Variants in MUC12 observed in about 807,000 individuals in gnomAD.
The protein encoded by MUC12 is mucin-12.
Under a neutral mutation model 230.8 loss-of-function variants are expected in MUC12, and 172 were observed. The observed-to-expected ratio is 0.75, with a 90% CI of 0.66 to 0.85. MUC12 has a LOEUF of 0.85. Among genes scored for constraint, MUC12 ranks in the 40% least tolerant of loss-of-function variants. MUC12 has a pLI of 0.00. For synonymous variants in MUC12, 1,259 were observed against 2,401.9 expected (o/e 0.52, Z 13.91); for missense variants, 3,506 against 5,920.6 (o/e 0.59, Z 13.38).
Position 101,018,846 on chromosome 7 carries a change from A to G in MUC12, c.*210A>G, listed in dbSNP as rs573470991. The stretch of plus-strand genomic sequence containing the variant: ...TAAGCCTCTCCATCCGGGAGCTTCC[A>G]GACTCCCAGAAGCCTCGGCACCCCT... On this transcript the variant is annotated 3_prime_UTR_variant, in exon 12 of 12. Coordinates refer to ENST00000536621, the MANE Select transcript of MUC12 (RefSeq NM_001164462.2). 2.8e-5 allele frequency: 14 copies of G among 492,590 alleles called. No individual in the cohort carries two copies. The highest frequency in any genetic ancestry group is 2.4e-4 in the African/African-American group (12 of 49,756). The allele number at this position is 492,590 out of a possible 1,614,324, so 30.5% of individuals were successfully genotyped here.
chr7:101,014,418 C>A, intron 9 of MUC12: 1 of 196,782 alleles, frequency 5.1e-6, no homozygotes, highest in South Asian at 1.1e-4. Flanking sequence ...CTTGCTGCAT[C>A]ACAGCATGGC....
chr7:100,978,530 C>A (rs1046044998), intron 1 of MUC12, among the ~76,000 whole-genome samples: 2 of 152,160 alleles, frequency 1.3e-5, no homozygotes, highest in Admixed American at 1.3e-4. Context: ...GGTCACACAG[C>A]GGTGTACAGG....
At position 101,005,198 on chromosome 7, in the gene MUC12, A is replaced by G; in HGVS notation, c.14635A>G (p.Thr4879Ala). The G allele has an allele frequency of 6.5e-7, 1 of 1,537,838 alleles. No homozygotes were observed. Among genetic ancestry groups the G allele is most frequent in the Non-Finnish European group, 8.7e-7 (1 of 1,147,048 alleles). ...NTMSIHSQQS[T>A]PFPDSPGFTH... ...AATGTCCATTCATAGTCAACAATCT[A>G]CACCCTTCCCTGACAGCCCAGGCTT... The change falls in exon 2 of 12, where the codon ACA (threonine) becomes GCA (alanine). Residue 4879 changes from threonine (T) to alanine (A), a missense_variant. By Grantham distance (58) the Thr-to-Ala change is moderately conservative. Transcript: ENST00000536621.
intron 1 of MUC12, among the ~76,000 whole-genome samples, chr7:100,972,676 TG>T (rs1304627493): frequency 6.6e-6 from 1 of 152,108 alleles, no homozygotes; most frequent in Non-Finnish European, 1.5e-5. Context: ...CTAATTTTTT[TG>T]TGTGTTTTTG....
At chr7:101,010,462 G>A (rs1280932158) in intron 5 of MUC12, among the ~76,000 whole-genome samples, 1 of 151,980 alleles carries the variant, frequency 6.6e-6, no homozygotes, top group African/African-American at 2.4e-5. Context: ...TCAGCCTCTC[G>A]AGTAGCTGGG....
In MUC12 at chr7:100,990,889, C is replaced by G. The variant is rs923305839; in HGVS notation, c.326C>G (p.Pro109Arg). The G allele has an allele frequency of 6.5e-7, 1 of 1,537,836 alleles. No individual in the cohort carries two copies. Among genetic ancestry groups the G allele is most frequent in the Non-Finnish European group, 8.7e-7 (1 of 1,147,048 alleles). Residue 109 changes from proline to arginine, a missense_variant, in exon 2 of 12, where the codon CCT (proline) becomes CGT (arginine). By Grantham distance (103) the Pro-to-Arg change is moderately radical. Transcript: ENST00000536621. ...HSATSVFVGE[P>R]KTSPITSASM... ...GCAACCTCAGTTTTTGTTGGAGAAC[C>G]TAAAACCTCACCCATCACTTCAGCC...
At chr7:100,990,600 A>G (rs1234852510) in intron 1 of MUC12, 31 bp from the exon 2 acceptor site, 1 of 1,536,960 alleles carries the variant, frequency 6.5e-7, no homozygotes, top group Non-Finnish European at 8.7e-7. Flanking sequence ...CATAAATCAT[A>G]GCACTTTCTC....
In MUC12 at chr7:100,992,105, C is replaced by G; in HGVS notation, c.1542C>G (p.Ser514Arg). 6.5e-7 allele frequency: 1 copy of G among 1,537,400 alleles called. No homozygotes were observed. The highest frequency in any genetic ancestry group is 1.2e-5 in the South Asian group (1 of 84,046). ...CACACTTACCTGCCAGCATGACAAG[C>G]TCAGGCGTCAGTGAAGAATCCACCA... ...DTTHLPASMT[S>R]SGVSEESTTS... Residue 514 changes from serine to arginine, a missense_variant, in exon 2 of 12, where the codon AGC becomes AGG. Coordinates refer to ENST00000536621, the MANE Select transcript of MUC12 (RefSeq NM_001164462.2).
Position 100,991,615 on chromosome 7 carries a change from C to A in MUC12, c.1052C>A (p.Thr351Asn), listed in dbSNP as rs760350169. Reference protein sequence around the residue: ...ATTPPPARSATSGHVEESTAY... With the variant: ...ATTPPPARSANSGHVEESTAY... ...ACACCCCCACCTGCCCGCTCCGCGA[C>A]CTCAGGCCATGTTGAAGAATCTACA... Residue 351 changes from threonine (T) to asparagine (N), a missense_variant, in exon 2 of 12, where the codon ACC (threonine) becomes AAC (asparagine). Physicochemically the swap from Thr to Asn is moderately conservative, Grantham distance 65 (BLOSUM62 0). Transcript: ENST00000536621. 3.9e-6 allele frequency: 6 copies of A among 1,537,082 alleles called. No homozygotes were observed. Among genetic ancestry groups the A allele is most frequent in the African/African-American group, 1.4e-5 (1 of 73,150 alleles).
Position 101,015,662 on chromosome 7 carries a change from G to A in MUC12, c.15848G>A (p.Gly5283Asp). Reference protein sequence around the residue: ...PQEWRKEGTPGIFQKTAIWED... With the variant: ...PQEWRKEGTPDIFQKTAIWED... ...GAGTGGCGAAAGGAAGGCACCCCTGGCATCTTCCAGAAGACGGCCATCTGG... is the reference window on the plus strand; with the variant it reads ...GAGTGGCGAAAGGAAGGCACCCCTGACATCTTCCAGAAGACGGCCATCTGG... The change falls in exon 10 of 12, where the codon GGC (glycine) becomes GAC (aspartate). Residue 5283 changes from glycine to aspartate, a missense_variant. Transcript: ENST00000536621. The A allele has an allele frequency of 6.5e-7, 1 of 1,537,660 alleles. No individual in the cohort carries two copies. The highest frequency in any genetic ancestry group is 8.7e-7 in the Non-Finnish European group (1 of 1,147,000).
chr7:101,017,798 C>A, intron 11 of MUC12, 135 bp downstream of exon 11: 1 of 573,220 alleles, frequency 1.7e-6, no homozygotes, highest in Non-Finnish European at 3.0e-6. Flanking sequence ...CCCTGGGACC[C>A]CTTCCCTTTC....
In MUC12 at chr7:101,004,548, C is replaced by T. The variant is rs376060726; in HGVS notation, c.13985C>T (p.Pro4662Leu). ...VEEPTSYHSS[P>L]GSIATTHFPE... ...GAACCTACCAGCTACCACAGCAGCC[C>T]GGGCTCAATTGCAACAACACACTTT... The change falls in exon 2 of 12, where the codon CCG becomes CTG. Residue 4662 changes from proline to leucine, a missense_variant. Pro to Leu is a moderately conservative substitution (Grantham distance 98). Coordinates refer to ENST00000536621, the MANE Select transcript of MUC12 (RefSeq NM_001164462.2). 2.1e-5 allele frequency: 32 copies of T among 1,537,282 alleles called. No individual in the cohort carries two copies. The highest frequency in any genetic ancestry group is 1.1e-4 in the African/African-American group (8 of 72,970).
chr7:100,974,413 C>T (rs4729628), intron 1 of MUC12, among the ~76,000 whole-genome samples: 142,822 of 151,568 alleles, frequency 0.94, 67,073 homozygotes, highest in East Asian at 1. Context: ...TGGATAATTT[C>T]TATTGACTTA....
chr7:101,012,173 G>C, intron 5 of MUC12, 123 bp from the exon 6 acceptor site: 1 of 1,048,944 alleles, frequency 9.5e-7, no homozygotes, highest in Non-Finnish European at 1.3e-6. Context: ...GGAAGACTCT[G>C]TATTCTTTCT....
chr7:100,992,286 C>G lies in MUC12; in HGVS notation c.1723C>G (p.Pro575Ala), dbSNP rs1253926572. The G allele has an allele frequency of 2.0e-6, 3 of 1,536,910 alleles. No homozygotes were observed. Among genetic ancestry groups the G allele is most frequent in the Admixed American group, 2.0e-5 (1 of 50,970 alleles). The change falls in exon 2 of 12, where the codon CCA becomes GCA. Residue 575 changes from proline (P) to alanine (A), a missense_variant. Transcript: ENST00000536621. ...PGSTTASSLG[P>A]EYTTFHSRPG... is the part of the protein sequence containing the mutation. Reference sequence around the variant, plus strand: ...CAGTACCACAGCATCATCCCTTGGTCCAGAATATACTACCTTCCACAGCCG... The same window carrying G: ...CAGTACCACAGCATCATCCCTTGGTGCAGAATATACTACCTTCCACAGCCG...
chr7:101,013,254 C>T, intron 8 of MUC12, 112 bp downstream of exon 8: 2 of 1,202,138 alleles, frequency 1.7e-6, no homozygotes, highest in Non-Finnish European at 2.3e-6. Context: ...GAGGTGCCTC[C>T]TCCCCACTCC....
In MUC12 at chr7:101,004,423, C is replaced by T. The variant is rs1474782531; in HGVS notation, c.13860C>T (p.Ser4620=). 3 of 1,515,228 alleles carry T rather than the reference C, an allele frequency of 2.0e-6. No individual in the cohort carries two copies. The highest frequency in any genetic ancestry group is 1.2e-5 in the South Asian group (1 of 82,742). 93.9% of individuals were successfully genotyped at this position (1,515,228 alleles called of 1,614,324 possible). ...GSTQTMHFPE[S]STASGRSEES... ...CTCAAACAATGCACTTCCCTGAAAG[C>T]TCCACAGCTTCAGGTCGTAGTGAAG... The change falls in exon 2 of 12, where the codon AGC becomes AGT. Residue 4620 remains serine, a synonymous_variant. Transcript: ENST00000536621.
chr7:100,980,702 T>G (rs529242100), intron 1 of MUC12, among the ~76,000 whole-genome samples: 61 of 152,226 alleles, frequency 4.0e-4, no homozygotes, highest in African/African-American at 1.4e-3. Flanking sequence ...GGTGGGACAA[T>G]CACTGGAGGT....
rs1160084784 is a variant in MUC12 at position 100,995,774 on chromosome 7, T to C, written c.5211T>C (p.Arg1737=). 7 of 1,524,434 alleles carry C rather than the reference T, an allele frequency of 4.6e-6. No homozygotes were observed. Among genetic ancestry groups the C allele is most frequent in the Non-Finnish European group, 6.1e-6 (7 of 1,140,898 alleles). The allele number at this position is 1,524,434 out of a possible 1,614,324, so 94.4% of individuals were successfully genotyped here. A position where few individuals can be genotyped will look rare whatever the true frequency, so the allele number is the denominator to read the frequency against. Residue 1737 remains arginine, a synonymous_variant, in exon 2 of 12, where the codon CGT becomes CGC. Transcript: ENST00000536621. ...HFSASSTTLG[R]SEESTTVHSS... is the part of the protein sequence containing the mutation. ...CTGCCAGCTCCACAACCTTGGGCCG[T>C]AGTGAGGAATCGACAACAGTCCACA...
Sources: allele counts gnomAD v4.1 joint callset (sites outside exome capture counted in the v4.1 genomes callset), GRCh38; gene constraint gnomAD v4.1.1; transcripts MANE v1.5; gene names NCBI Gene and HGNC (gene_info 2026-07-23, HGNC 2026-07-21).